The following TTN variants were observed in gnomAD, a reference collection of about 807,000 sequenced individuals.
TTN encodes connectin.
TTN carries 1,525 observed loss-of-function variants against 3,223.0 expected under a neutral mutation model. The ratio of observed to expected loss-of-function variants is 0.47; its 90% CI spans 0.45 to 0.49. The LOEUF (loss-of-function observed/expected upper bound fraction) is 0.49, where lower values mean the gene tolerates loss of function less well. TTN is among the 20% of genes least tolerant of loss of function. The pLI, the probability that TTN is intolerant of heterozygous loss-of-function variation, is 0.00. For missense variants in TTN, 40,786 were observed against 43,424.0 expected (o/e 0.94, Z 5.40); for synonymous variants, 14,094 against 15,161.0 (o/e 0.93, Z 5.17).
rs727503678 is a variant in TTN at position 178,764,245 on chromosome 2, G to A, written c.10046C>T (p.Thr3349Ile). ...EMPVYPPAII[T>I]PLQDTVTSEG... ...AGAAGTGACAGTGTCCTGAAGCGGG[G>A]TGATGATGGCAGGTGGATAAACAGG... The change falls in exon 43 of 363, where the codon ACC (threonine) becomes ATC (isoleucine). Residue 3349 changes from threonine to isoleucine, a missense_variant. Transcript: ENST00000589042. The A allele has an allele frequency of 3.6e-5, 58 of 1,614,006 alleles. No individual in the cohort carries two copies. In the Admixed American group the frequency reaches 9.5e-4, roughly 26 times the overall value.
Position 178,712,572 on chromosome 2 carries a change from C to T in TTN, c.27350G>A (p.Arg9117Lys), listed in dbSNP as rs375907742. The change falls in exon 95 of 363, where the codon AGG becomes AAG. Residue 9117 changes from arginine (R) to lysine (K), a missense_variant. Transcript: ENST00000589042. ...YIKAPAKFVK[R>K]LNDYSIEKGK... ...TTTCTCTATGCTGTAATCATTCAGCCTCTTCACAAATTTGGCTGGGGCTAA... is the reference window on the plus strand; with the variant it reads ...TTTCTCTATGCTGTAATCATTCAGCTTCTTCACAAATTTGGCTGGGGCTAA... The T allele has an allele frequency of 1.2e-6, 2 of 1,612,488 alleles. No individual in the cohort carries two copies. Among genetic ancestry groups the T allele is most frequent in the East Asian group, 4.5e-5 (2 of 44,824 alleles).
At chr2:178,688,591 T>G in intron 126 of TTN, 86 bp downstream of exon 126, 1 of 957,442 alleles carries the variant, frequency 1.0e-6, no homozygotes, top group South Asian at 1.3e-5. Flanking sequence ...GGACATGTTC[T>G]AAAGTAAACA....
In TTN at chr2:178,601,095, C is replaced by G. The variant is rs750472100; in HGVS notation, c.55809G>C (p.Pro18603=). Residue 18603 remains proline (P), a synonymous_variant, in exon 288 of 363, where the codon CCG becomes CCC. Transcript: ENST00000589042. ...KNTVHLSWKP[P]KNDGGSPVTH... ...TAACAGGGGAGCCCCCATCATTCTT[C>G]GGGGGTTTCCATGACAGATGCACTG... 1 of 1,603,036 alleles carries G rather than the reference C, an allele frequency of 6.2e-7. No homozygotes were observed. The highest frequency in any genetic ancestry group is 1.3e-5 in the African/African-American group (1 of 74,446).
At chr2:178,619,556 A>G (rs2057955528) in intron 250 of TTN, 65 bp downstream of exon 250, 1 of 1,575,332 alleles carries the variant, frequency 6.3e-7, no homozygotes. Flanking sequence ...CTCATTAAAT[A>G]ACTGTGAAAT....
chr2:178,748,928 T>C (rs1217001092), intron 47 of TTN: 13 of 1,612,468 alleles, frequency 8.1e-6, no homozygotes, highest in Non-Finnish European at 1.0e-5. Flanking sequence ...GGCTTTGTCA[T>C]CAATCTTCTT....
chr2:178,790,941 G>C (rs972512283), intron 10 of TTN, 96 bp from the exon 11 acceptor site: 7 of 1,436,342 alleles, frequency 4.9e-6, no homozygotes, highest in Non-Finnish European at 5.8e-6. Context: ...AGGATGCTTA[G>C]TGGTGAACGA....
chr2:178,528,121 T>G, intron 361 of TTN, 153 bp downstream of exon 361: 2 of 869,022 alleles, frequency 2.3e-6, no homozygotes, highest in South Asian at 2.3e-5. Flanking sequence ...ATAAAGAAAG[T>G]TTGACTACAA....
At chr2:178,586,327 G>A (rs574215621) in intron 308 of TTN, among the ~76,000 whole-genome samples, 178 bp downstream of exon 308, 1 of 152,178 alleles carries the variant, frequency 6.6e-6, no homozygotes, top group African/African-American at 2.4e-5. Flanking sequence ...TTATATATGT[G>A]TTTGTATAAG....
chr2:178,790,552 A>G (rs1316801102), intron 11 of TTN, among the ~76,000 whole-genome samples, 156 bp downstream of exon 11: 1 of 152,240 alleles, frequency 6.6e-6, no homozygotes, highest in Non-Finnish European at 1.5e-5. Context: ...ATGAATTGAC[A>G]GTGAAAGGTA....
rs1279496154 is a variant in TTN at position 178,605,216 on chromosome 2, A to G, written c.53961T>C (p.Pro17987=). Residue 17987 remains proline, a synonymous_variant, in exon 280 of 363, where the codon CCT becomes CCC. Transcript: ENST00000589042. ...KVKAGEPVHI[P]ADVTGLPMPK... is the part of the protein sequence containing the mutation. ...GCATTGGAAGGCCTGTCACATCTGC[A>G]GGGATGTGGACAGGCTCTCCTGCCT... 6.2e-7 allele frequency: 1 copy of G among 1,611,910 alleles called. No homozygotes were observed. The highest frequency in any genetic ancestry group is 2.2e-5 in the East Asian group (1 of 44,536).
chr2:178,668,881 C>G (rs533944639), intron 159 of TTN, among the ~76,000 whole-genome samples: 2 of 148,944 alleles, frequency 1.3e-5, no homozygotes, highest in Non-Finnish European at 3.0e-5. Context: ...AACCCCCCCC[C>G]AAAAAAAAAG....
At position 178,587,234 on chromosome 2, in the gene TTN, T is replaced by C. The variant is rs994982613; in HGVS notation, c.63977A>G (p.His21326Arg). ...ATTCCCAGGGACAAGATTGGTTACA[T>C]GGAAGCTTGTTTTCTTAACTTCTGG... ...VTPEVKKTSFHVTNLVPGNEY... is the reference protein window; with the variant it reads ...VTPEVKKTSFRVTNLVPGNEY... Residue 21326 changes from histidine to arginine, a missense_variant, in exon 307 of 363, where the codon CAT (histidine) becomes CGT (arginine). Transcript: ENST00000589042. The C allele has an allele frequency of 1.2e-5, 20 of 1,613,106 alleles. No homozygotes were observed. The highest frequency in any genetic ancestry group is 1.6e-4 in the Middle Eastern group (1 of 6,076).
chr2:178,576,596 T>C lies in TTN; in HGVS notation c.69648A>G (p.Ala23216=), dbSNP rs1435420558. 1 of 1,613,618 alleles carries C rather than the reference T, an allele frequency of 6.2e-7. No homozygotes were observed. Among genetic ancestry groups the C allele is most frequent in the East Asian group, 2.2e-5 (1 of 44,828 alleles). The change falls in exon 325 of 363, where the codon GCA becomes GCG. Residue 23216 remains alanine (A), a synonymous_variant. Coordinates refer to ENST00000589042, the MANE Select transcript of TTN (RefSeq NM_001267550.2). The surrounding 1 kb of genome is among the most constrained non-coding windows in gnomAD (Gnocchi z 4.3). ...EGSTYEFRVS[A]ENRAGIGPPS... ...GTGGACCAATTCCTGCTCTGTTTTC[T>C]GCACTGACACGGAATTCGTAGGTGC...
chr2:178,646,512 G>T lies in TTN; in HGVS notation c.40270C>A (p.Pro13424Thr). Residue 13424 changes from proline (P) to threonine (T), a missense_variant, in exon 216 of 363, where the codon CCA (proline) becomes ACA (threonine). Pro to Thr is a conservative substitution (Grantham distance 38). Transcript: ENST00000589042. ...YIKPEEPEPE[P>T]QPEEIPVKEP... is the part of the protein sequence containing the mutation. ...TTTACTGGTATTTCTTCAGGCTGTGGTTCAGGTTCGGGCTCTTCAGGTTTA... is the reference window on the plus strand; with the variant it reads ...TTTACTGGTATTTCTTCAGGCTGTGTTTCAGGTTCGGGCTCTTCAGGTTTA... 2 of 1,547,766 alleles carry T rather than the reference G, an allele frequency of 1.3e-6. No individual in the cohort carries two copies. The highest frequency in any genetic ancestry group is 1.7e-6 in the Non-Finnish European group (2 of 1,145,106).
rs2154145000 is a variant in TTN, at chr2:178,545,370, A to G, written c.95722+18T>C. The G allele has an allele frequency of 6.5e-7, 1 of 1,527,740 alleles. No individual in the cohort carries two copies. The highest frequency in any genetic ancestry group is 8.8e-7 in the Non-Finnish European group (1 of 1,138,198). The allele number at this position is 1,527,740 out of a possible 1,614,324, so 94.6% of individuals were successfully genotyped here. Reference sequence around the variant, plus strand: ...GTTTTGAGGAGCATTGTATTTATGTATGATTCTTGGAGCTCACATGATGGT... The same window carrying G: ...GTTTTGAGGAGCATTGTATTTATGTGTGATTCTTGGAGCTCACATGATGGT... On this transcript the variant is annotated intron_variant, in intron 344 of 362. Transcript: ENST00000589042.
rs377180286 is a variant in TTN at position 178,592,803 on chromosome 2, C to T, written c.59316G>A (p.Pro19772=). 1.4e-4 allele frequency: 220 copies of T among 1,613,434 alleles called. No homozygotes were observed. In the African/African-American group the frequency reaches 2.1e-3, roughly 15 times the overall value. ...GCCTGTCTTTTACTAGGACTGGCTC[C>T]GGAACATGAGCTGGATCTGATTCAC... is the stretch of plus-strand genomic sequence containing the variant. ...AAGESDPAHV[P]EPVLVKDRLE... The change falls in exon 300 of 363, where the codon CCG becomes CCA. Residue 19772 remains proline (P), a synonymous_variant. Coordinates refer to ENST00000589042, the MANE Select transcript of TTN (RefSeq NM_001267550.2).
intron 15 of TTN, among the ~76,000 whole-genome samples, chr2:178,785,073 C>T (rs983737778): frequency 7.9e-5 from 12 of 152,130 alleles, no homozygotes; most frequent in Non-Finnish European, 1.8e-4. Context: ...CTTACTTTCT[C>T]CTGATGACAG....
chr2:178,730,200 G>A lies in TTN; in HGVS notation c.18200C>T (p.Thr6067Ile). The A allele has an allele frequency of 6.2e-7, 1 of 1,613,480 alleles. No homozygotes were observed. Among genetic ancestry groups the A allele is most frequent in the Non-Finnish European group, 8.5e-7 (1 of 1,179,678 alleles). The change falls in exon 62 of 363, where the codon ACC becomes ATC. Residue 6067 changes from threonine (T) to isoleucine (I), a missense_variant. Physicochemically the swap from Thr to Ile is moderately conservative, Grantham distance 89 (BLOSUM62 -1). Transcript: ENST00000589042. ...TTTGGCTGCAAAGAGCTCTAGACTG[G>A]TAGAGGTGTCATCCTTCCAAACTGA... is the stretch of plus-strand genomic sequence containing the variant. ...ARSVWKDDTS[T>I]SLELFAAKAT...
Position 178,773,356 on chromosome 2 carries a change from G to C in TTN, c.7608C>G (p.Ile2536Met). 1 of 1,613,902 alleles carries C rather than the reference G, an allele frequency of 6.2e-7. No individual in the cohort carries two copies. The highest frequency in any genetic ancestry group is 1.7e-4 in the Middle Eastern group (1 of 6,054). The change falls in exon 33 of 363, where the codon ATC becomes ATG. Residue 2536 changes from isoleucine to methionine, a missense_variant. Coordinates refer to ENST00000589042, the MANE Select transcript of TTN (RefSeq NM_001267550.2). ...CNLSVEKIKI[I>M]RGLRDLTCTE... The stretch of plus-strand genomic sequence containing the variant: ...TACAGGTAAGGTCACGAAGACCTCT[G>C]ATAATTTTAATTTCTGGGGAAAAAA...
Sources: gnomAD v4.1 joint callset for allele counts (sites outside exome capture counted in the v4.1 genomes callset) on GRCh38, gnomAD v4.1.1 for gene constraint, Gnocchi (gnomAD v3.1) non-coding constraint, MANE v1.5 for transcripts, NCBI Gene and HGNC (gene_info 2026-07-23, HGNC 2026-07-21) for gene names.